Variants in KDM3B observed in about 807,000 individuals in gnomAD.
KDM3B encodes the protein lysine-specific demethylase 3B.
Under a neutral mutation model 170.0 loss-of-function variants are expected in KDM3B, and 10 were observed. The ratio of observed to expected loss-of-function variants is 0.06; its 90% CI spans 0.04 to 0.10. The LOEUF is 0.10. Ranked by LOEUF, KDM3B falls within the 10% of genes least tolerant of loss-of-function variation. The probability of loss-of-function intolerance (pLI) is 1.00; values close to 1 mark genes in which losing one functional copy is unlikely to be tolerated. For missense variants in KDM3B, 1,394 were observed against 2,195.2 expected, an observed-to-expected ratio of 0.64 and a Z score of 7.29; for synonymous variants, 831 against 834.8, an observed-to-expected ratio of 1.00 and a Z score of 0.08.
chr5:138,352,779 T>C lies in KDM3B; in HGVS notation c.-17T>C, dbSNP rs1761359153. The stretch of plus-strand genomic sequence containing the variant: ...GGGAGGCGGCGGGCGGGAGCGCGGG[T>C]CAGGCCGGCCCCGGCGATGGCGGAC... On this transcript the variant is annotated 5_prime_UTR_variant, in exon 1 of 24. Coordinates refer to ENST00000314358, the MANE Select transcript of KDM3B (RefSeq NM_016604.4). 3 of 1,234,914 alleles carry C rather than the reference T, an allele frequency of 2.4e-6. No individual in the cohort carries two copies. Among genetic ancestry groups the C allele is most frequent in the East Asian group, 3.6e-5 (1 of 28,102 alleles). The allele number at this position is 1,234,914 out of a possible 1,614,324, so 76.5% of individuals were successfully genotyped here.
At chr5:138,426,895 T>A in intron 17 of KDM3B, 80 bp from the exon 18 acceptor site, 1 of 933,584 alleles carries the variant, frequency 1.1e-6, no homozygotes, top group South Asian at 1.4e-5. Flanking sequence ...AAAAAGAGAT[T>A]AGTCTCCCAA....
chr5:138,361,487 C>T (rs1315809369), intron 1 of KDM3B, among the ~76,000 whole-genome samples: 1 of 152,148 alleles, frequency 6.6e-6, no homozygotes, highest in Non-Finnish European at 1.5e-5. Context: ...CAGAGATCTG[C>T]ATAGAGCCCC....
intron 1 of KDM3B, among the ~76,000 whole-genome samples, chr5:138,369,941 C>T (rs78530883): frequency 0.017 from 2,661 of 152,222 alleles, 35 homozygotes; most frequent in Non-Finnish European, 0.028. Context: ...CTAAGTTTTG[C>T]AAGAGAGTGG....
chr5:138,403,507 C>G (rs1038025612), intron 11 of KDM3B, among the ~76,000 whole-genome samples: 1 of 151,836 alleles, frequency 6.6e-6, no homozygotes, highest in Non-Finnish European at 1.5e-5. Flanking sequence ...GAAACCCCGT[C>G]TGCATGAAAA....
chr5:138,358,271 C>T (rs1197450177), intron 1 of KDM3B, among the ~76,000 whole-genome samples: 1 of 150,530 alleles, frequency 6.6e-6, no homozygotes, highest in Non-Finnish European at 1.5e-5. Context: ...CCTGAACCAC[C>T]GCGCTCGGCG....
Position 138,386,420 on chromosome 5 carries a change from T to G in KDM3B, c.1179T>G (p.Pro393=). 6.2e-7 allele frequency: 1 copy of G among 1,614,174 alleles called. No individual in the cohort carries two copies. The highest frequency in any genetic ancestry group is 1.6e-4 in the Middle Eastern group (1 of 6,062). ...ATTCTACAGCCACAGGTCAGACACC[T>G]TTGGCCCCAGAGGTGGGTGGAGCCG... ...TPYSTATGQT[P]LAPEVGGAEN... Residue 393 remains proline, a synonymous_variant, in exon 7 of 24, where the codon CCT becomes CCG. Coordinates refer to ENST00000314358, the MANE Select transcript of KDM3B (RefSeq NM_016604.4).
rs749260532 is a variant in KDM3B at position 138,424,175 on chromosome 5, A to G, written c.4073A>G (p.Asn1358Ser). Residue 1358 changes from asparagine to serine, a missense_variant, in exon 16 of 24, where the codon AAC becomes AGC. Asn to Ser is a conservative substitution (Grantham distance 46, BLOSUM62 1). Transcript: ENST00000314358. Reference protein sequence around the residue: ...KTSDASKRACNLTDTQKEVKE... With the variant: ...KTSDASKRACSLTDTQKEVKE... ...TCAGATGCTTCAAAGCGGGCCTGCA[A>G]CTTGACTGATACCCAGAAGGAAGTG... is the stretch of plus-strand genomic sequence containing the variant. 6.2e-7 allele frequency: 1 copy of G among 1,614,170 alleles called. No homozygotes were observed. Among genetic ancestry groups the G allele is most frequent in the South Asian group, 1.1e-5 (1 of 91,084 alleles).
chr5:138,377,883 A>T, intron 4 of KDM3B, 58 bp downstream of exon 4: 1 of 1,294,638 alleles, frequency 7.7e-7, no homozygotes, highest in Non-Finnish European at 1.1e-6. Context: ...ATCACTGTTG[A>T]GTGATAGTAT....
At position 138,429,848 on chromosome 5, in the gene KDM3B, G is replaced by C; in HGVS notation, c.4776G>C (p.Glu1592Asp). Reference protein sequence around the residue: ...HDEEVLKTIDEGDADEVTKQR... With the variant: ...HDEEVLKTIDDGDADEVTKQR... ...CAGAGGTACTCAAGACAATTGACGA[G>C]GGAGATGCCGATGAGGTGACGAAGC... The change falls in exon 21 of 24, where the codon GAG becomes GAC. Residue 1592 changes from glutamate (E) to aspartate (D), a missense_variant. Physicochemically the swap from Glu to Asp is conservative, Grantham distance 45 (BLOSUM62 2). Around this residue, in one of 19 missense-constraint regions of KDM3B, gnomAD observed 79 missense variants for 270.5 expected, o/e 0.29. Coordinates refer to ENST00000314358, the MANE Select transcript of KDM3B (RefSeq NM_016604.4). The C allele has an allele frequency of 6.2e-7, 1 of 1,614,054 alleles. No homozygotes were observed. Among genetic ancestry groups the C allele is most frequent in the Non-Finnish European group, 8.5e-7 (1 of 1,179,960 alleles).
rs188190945 is a variant in KDM3B, at chr5:138,422,632, C to G, written c.3973-1443C>G. The stretch of plus-strand genomic sequence containing the variant: ...TCCAGCCTGGGTGACAGAGGGAGAT[C>G]CATCTCAAAAAAATAAATAAAATAA... On this transcript the variant is annotated intron_variant, in intron 15 of 23. Transcript: ENST00000314358. 2.1e-3 allele frequency among the ~76,000 whole-genome samples: 316 copies of G among 152,086 alleles called. 1 individual carries two copies. Among genetic ancestry groups the G allele is most frequent in the African/African-American group, 6.4e-3 (267 of 41,496 alleles).
At position 138,419,042 on chromosome 5, in the gene KDM3B, G is replaced by T; in HGVS notation, c.3525G>T (p.Pro1175=). Residue 1175 remains proline, a synonymous_variant, in exon 14 of 24, where the codon CCG becomes CCT. Coordinates refer to ENST00000314358, the MANE Select transcript of KDM3B (RefSeq NM_016604.4). ...CGGCACCAGTAACAACTCCAGAGCC[G>T]GACCATGTTCCCAAAGCCGACAGCA... ...GGPAPVTTPE[P]DHVPKADSTD... is the part of the protein sequence containing the mutation. 6.2e-7 allele frequency: 1 copy of T among 1,614,134 alleles called. No homozygotes were observed. The highest frequency in any genetic ancestry group is 8.5e-7 in the Non-Finnish European group (1 of 1,180,028).
At chr5:138,395,653 G>T (rs1308358684) in intron 9 of KDM3B, among the ~76,000 whole-genome samples, 3 of 152,014 alleles carry the variant, frequency 2.0e-5, no homozygotes, top group Non-Finnish European at 4.4e-5. Flanking sequence ...GTCTTGCCCT[G>T]TTGCCCAGGC....
chr5:138,406,861 C>A (rs183752230), intron 11 of KDM3B, among the ~76,000 whole-genome samples: 1 of 150,900 alleles, frequency 6.6e-6, no homozygotes, highest in East Asian at 1.9e-4. Context: ...TTGAGACCAG[C>A]AGGGGAACAT....
chr5:138,419,706 CACACATATATATACACACACAT>C (rs1169952431), intron 14 of KDM3B, among the ~76,000 whole-genome samples: 1 of 120,186 alleles, frequency 8.3e-6, no homozygotes, highest in African/African-American at 3.5e-5. Flanking sequence ...TATATACACA[CACACATATATATACACACACAT>C]ACACACACAC....
At chr5:138,393,831 T>C (rs1762490316) in intron 9 of KDM3B, among the ~76,000 whole-genome samples, 1 of 152,188 alleles carries the variant, frequency 6.6e-6, no homozygotes. Flanking sequence ...GAATATCGTC[T>C]GCTTTTACCA....
rs116553217 is a variant in KDM3B at position 138,360,025 on chromosome 5, C to T, written c.192+7038C>T. Reference sequence around the variant, plus strand: ...TTTACACCTCCCCACCGAACCTTTCCTCTGTCTCAGGGTGGGGTAGGTAGA... The same window carrying T: ...TTTACACCTCCCCACCGAACCTTTCTTCTGTCTCAGGGTGGGGTAGGTAGA... On this transcript the variant is annotated intron_variant, in intron 1 of 23. Coordinates refer to ENST00000314358, the MANE Select transcript of KDM3B (RefSeq NM_016604.4). 5.2e-3 allele frequency among the ~76,000 whole-genome samples: 795 copies of T among 152,252 alleles called. 3 individuals carry two copies. The highest frequency in any genetic ancestry group is 0.018 in the African/African-American group (761 of 41,514).
At chr5:138,374,242 G>A (rs545800205) in intron 2 of KDM3B, 5 of 426,998 alleles carry the variant, frequency 1.2e-5, no homozygotes, top group Non-Finnish European at 2.3e-5. Context: ...GAGCCACTAC[G>A]CCCAGCCGTT....
Position 138,420,690 on chromosome 5 carries a change from G to T in KDM3B, c.3716-16G>T. ...CCTTTTTGTACCTAATGCTGTTCCT[G>T]GTTATGTTCTTACAGAAGCAGGGTC... On this transcript the variant is annotated splice_polypyrimidine_tract_variant and intron_variant, in intron 14 of 23. Transcript: ENST00000314358. 1 of 1,613,344 alleles carries T rather than the reference G, an allele frequency of 6.2e-7. No individual in the cohort carries two copies.
At chr5:138,398,035 AT>A in intron 9 of KDM3B, 142 bp from the exon 10 acceptor site, 1 of 619,500 alleles carries the variant, frequency 1.6e-6, no homozygotes, top group Non-Finnish European at 2.9e-6. Context: ...TTAGCAGAGA[AT>A]GCATACTGTT....
Sources: allele counts gnomAD v4.1 joint callset (sites outside exome capture counted in the v4.1 genomes callset), GRCh38; gene constraint gnomAD v4.1.1; regional missense constraint gnomAD v4.1.1; transcripts MANE v1.5; gene names NCBI Gene and HGNC (gene_info 2026-07-23, HGNC 2026-07-21).